The following CNTNAP2 variants were observed in gnomAD, a reference collection of about 807,000 sequenced individuals.
CNTNAP2 encodes contactin-associated protein-like 2.
CNTNAP2 carries 98 observed loss-of-function variants against 155.2 expected under a neutral mutation model. The observed-to-expected ratio is 0.63, with a 90% CI of 0.54 to 0.75. The LOEUF (loss-of-function observed/expected upper bound fraction) is 0.75, where lower values mean the gene tolerates loss of function less well. Ranked by LOEUF, CNTNAP2 falls within the 30% of genes least tolerant of loss-of-function variation. The pLI is 0.00. For missense variants in CNTNAP2, 1,727 were observed against 1,688.1 expected, an observed-to-expected ratio of 1.02 and a Z score of -0.40; for synonymous variants, 651 against 631.2, an observed-to-expected ratio of 1.03 and a Z score of -0.47.
intron 3 of CNTNAP2, among the ~76,000 whole-genome samples, chr7:146,969,870 C>G (rs1256916783): frequency 6.6e-6 from 1 of 152,052 alleles, no homozygotes; most frequent in Non-Finnish European, 1.5e-5. Flanking sequence ...AGATATAGAT[C>G]AATGGAACAG....
chr7:146,745,621 G>C (rs1801796096), intron 1 of CNTNAP2, among the ~76,000 whole-genome samples: 1 of 151,998 alleles, frequency 6.6e-6, no homozygotes, highest in Admixed American at 6.6e-5. Flanking sequence ...GCAAAAATTA[G>C]CCAAGCGTGG....
At chr7:147,021,138 T>C (rs1402629080) in intron 3 of CNTNAP2, among the ~76,000 whole-genome samples, 1 of 152,162 alleles carries the variant, frequency 6.6e-6, no homozygotes, top group Non-Finnish European at 1.5e-5. Flanking sequence ...CAGCCCAGGA[T>C]GGTTTAGAAT....
At chr7:148,315,123 T>C (rs1388043818) in intron 21 of CNTNAP2, among the ~76,000 whole-genome samples, 1 of 152,268 alleles carries the variant, frequency 6.6e-6, no homozygotes, top group East Asian at 1.9e-4. Flanking sequence ...CGTAGGTGGA[T>C]CTTTCTCACA....
chr7:147,733,015 T>C (rs1012767404), intron 13 of CNTNAP2, among the ~76,000 whole-genome samples: 1 of 152,250 alleles, frequency 6.6e-6, no homozygotes, highest in Non-Finnish European at 1.5e-5. Flanking sequence ...GTTTCTTTTT[T>C]GTGCAGAAGC....
chr7:147,059,308 T>C (rs1254815459), intron 4 of CNTNAP2, among the ~76,000 whole-genome samples: 3 of 152,184 alleles, frequency 2.0e-5, no homozygotes, highest in Non-Finnish European at 4.4e-5. Flanking sequence ...TGCATTTAAA[T>C]TGGACTGACC....
chr7:146,550,135 G>T (rs985148834), intron 1 of CNTNAP2, among the ~76,000 whole-genome samples: 4 of 152,178 alleles, frequency 2.6e-5, no homozygotes, highest in Non-Finnish European at 5.9e-5. Context: ...AACGGGACTA[G>T]TAGATTTGAT....
At chr7:146,466,751 G>A (rs1406236923) in intron 1 of CNTNAP2, among the ~76,000 whole-genome samples, 14 of 152,106 alleles carry the variant, frequency 9.2e-5, no homozygotes, top group Admixed American at 9.2e-4. Context: ...GCCTGATTAG[G>A]CTTCATCTTC....
intron 14 of CNTNAP2, among the ~76,000 whole-genome samples, chr7:147,940,817 G>T (rs1800707851): frequency 6.6e-6 from 1 of 152,102 alleles, no homozygotes; most frequent in Non-Finnish European, 1.5e-5. Context: ...GAATTACAAG[G>T]CATAAGCCAT....
At chr7:147,771,676 T>C (rs1797471414) in intron 13 of CNTNAP2, among the ~76,000 whole-genome samples, 1 of 152,188 alleles carries the variant, frequency 6.6e-6, no homozygotes, top group South Asian at 2.1e-4. Flanking sequence ...CATTTTTTCT[T>C]TGTGTCTTCA....
At chr7:146,815,590 T>G (rs1025454339) in intron 2 of CNTNAP2, among the ~76,000 whole-genome samples, 1 of 152,126 alleles carries the variant, frequency 6.6e-6, no homozygotes, top group Non-Finnish European at 1.5e-5. Context: ...CCATATATAT[T>G]TTTTAATTGG....
intron 3 of CNTNAP2, among the ~76,000 whole-genome samples, chr7:146,905,359 G>A (rs566112180): frequency 3.3e-3 from 501 of 152,012 alleles, no homozygotes; most frequent in Middle Eastern, 6.8e-3. Context: ...TAGGGGCTCC[G>A]GTTTTATCCA....
chr7:147,642,330 G>T (rs1459117301), intron 13 of CNTNAP2, among the ~76,000 whole-genome samples: 5 of 151,880 alleles, frequency 3.3e-5, no homozygotes, highest in Non-Finnish European at 7.4e-5. Context: ...TTTGAATTTT[G>T]CTCTGGTAAT....
At chr7:148,147,857 A>G in intron 17 of CNTNAP2, 148 bp downstream of exon 17, 1 of 786,312 alleles carries the variant, frequency 1.3e-6, no homozygotes, top group East Asian at 2.7e-5. Flanking sequence ...GTCTCCTTCA[A>G]GACAGAATGG....
At chr7:146,354,432 T>TTTTTTA (rs1794968247) in intron 1 of CNTNAP2, among the ~76,000 whole-genome samples, 1 of 149,182 alleles carries the variant, frequency 6.7e-6, no homozygotes, top group African/African-American at 2.5e-5. Flanking sequence ...TTTTTTTGTT[T>TTTTTTA]GAGACAGAAT....
rs116610229 is a variant in CNTNAP2 at position 146,216,225 on chromosome 7, G to A, written c.97+99252G>A. ...CTCAGGAAAAGAAGCCAAGAAGCCA[G>A]GGGTTGGCTTTCTCTTGGAAGTTAG... On this transcript the variant is annotated intron_variant, in intron 1 of 23. Transcript: ENST00000361727. 5.9e-3 allele frequency among the ~76,000 whole-genome samples: 904 copies of A among 152,276 alleles called. 9 individuals are homozygous for A. The highest frequency in any genetic ancestry group is 0.021 in the African/African-American group (856 of 41,548).
intron 1 of CNTNAP2, among the ~76,000 whole-genome samples, chr7:146,225,931 A>G (rs1288749373): frequency 2.0e-5 from 3 of 152,216 alleles, no homozygotes; most frequent in Non-Finnish European, 2.9e-5. Flanking sequence ...ATCCAATTCC[A>G]TTCTTTGCAG....
intron 12 of CNTNAP2, among the ~76,000 whole-genome samples, chr7:147,633,048 A>C (rs1303470420): frequency 6.6e-6 from 1 of 152,248 alleles, no homozygotes; most frequent in Non-Finnish European, 1.5e-5. Context: ...CAGGCTGCAG[A>C]AATTTGCACA....
chr7:147,972,569 G>A (rs1801352048), intron 14 of CNTNAP2, among the ~76,000 whole-genome samples: 1 of 152,094 alleles, frequency 6.6e-6, no homozygotes, highest in East Asian at 1.9e-4. Context: ...GGAAATAACA[G>A]TAACACCAGG....
chr7:148,031,277 TA>T (rs1331893057), intron 15 of CNTNAP2, among the ~76,000 whole-genome samples: 5 of 152,050 alleles, frequency 3.3e-5, no homozygotes, highest in Non-Finnish European at 5.9e-5. Context: ...AAGGGCAGAG[TA>T]AGAATTTACA....
Sources: allele counts gnomAD v4.1 joint callset (sites outside exome capture counted in the v4.1 genomes callset), GRCh38; gene constraint gnomAD v4.1.1; transcripts MANE v1.5; gene names NCBI Gene and HGNC (gene_info 2026-07-23, HGNC 2026-07-21).